Variants in IP6K2 observed in about 807,000 individuals in gnomAD.
IP6K2 encodes the protein ATP:1D-myo-inositol-hexakisphosphate phosphotransferase.
Under a neutral mutation model 43.3 loss-of-function variants are expected in IP6K2, and 9 were observed. That is an observed-to-expected ratio of 0.21 (90% CI 0.13 to 0.36). The LOEUF (loss-of-function observed/expected upper bound fraction) is 0.36, where lower values mean the gene tolerates loss of function less well. Among genes scored for constraint, IP6K2 ranks in the 10% least tolerant of loss-of-function variants. The probability of loss-of-function intolerance (pLI) is 1.00; values close to 1 mark genes in which losing one functional copy is unlikely to be tolerated. For missense variants in IP6K2, 332 were observed against 538.4 expected (o/e 0.62, Z 3.79); for synonymous variants, 209 against 202.4 (o/e 1.03, Z -0.28).
Position 48,688,214 on chromosome 3 carries a change from G to A in IP6K2, c.*59C>T, listed in dbSNP as rs567876634. On this transcript the variant is annotated 3_prime_UTR_variant, in exon 6 of 6. Coordinates refer to ENST00000328631, the MANE Select transcript of IP6K2 (RefSeq NM_016291.4). The surrounding 1 kb of genome is among the most constrained non-coding windows in gnomAD (Gnocchi z 5.1). ...TGGCCATACTGGCTTCCTCCCTGAC[G>A]CAGCACAGCTGTGCCTGGGACACAG... 9.7e-5 allele frequency: 152 copies of A among 1,569,982 alleles called. No homozygotes were observed. In the East Asian group the frequency reaches 3.0e-3, roughly 31 times the overall value.
chr3:48,705,500 G>A (rs902954183), intron 1 of IP6K2, among the ~76,000 whole-genome samples: 17 of 152,130 alleles, frequency 1.1e-4, no homozygotes, highest in East Asian at 7.8e-4. Flanking sequence ...AAGCTGCACA[G>A]TGACAGCCAG....
At chr3:48,709,565 G>A (rs934257387) in intron 1 of IP6K2, among the ~76,000 whole-genome samples, 4 of 152,166 alleles carry the variant, frequency 2.6e-5, no homozygotes, top group African/African-American at 4.8e-5. Flanking sequence ...CAGGCTGGGC[G>A]CGGTGGCTCA....
chr3:48,695,078 G>C lies in IP6K2; in HGVS notation c.202+12C>G. 6.2e-7 allele frequency: 1 copy of C among 1,614,090 alleles called. No individual in the cohort carries two copies. The highest frequency in any genetic ancestry group is 1.1e-5 in the South Asian group (1 of 91,082). On this transcript the variant is annotated intron_variant, in intron 2 of 5. Coordinates refer to ENST00000328631, the MANE Select transcript of IP6K2 (RefSeq NM_016291.4). This position sits in a 1 kb window ranked among gnomAD's most constrained non-coding sequence, Gnocchi z 4.6. ...CGCCAGTGTGGCAACCCCTCCAGCAGCTGGGACTTACCTTTGTACTGGGGA... is the reference window on the plus strand; with the variant it reads ...CGCCAGTGTGGCAACCCCTCCAGCACCTGGGACTTACCTTTGTACTGGGGA...
rs768385005 is a variant in IP6K2, at chr3:48,694,573, C to T, written c.202+517G>A. 29 of 1,524,656 alleles carry T rather than the reference C, an allele frequency of 1.9e-5. No homozygotes were observed. The South Asian group carries it at 2.4e-4, about 13-fold the overall frequency. 94.4% of individuals were successfully genotyped at this position (1,524,656 alleles called of 1,614,324 possible). On this transcript the variant is annotated intron_variant, in intron 2 of 5. Transcript: ENST00000328631. The stretch of plus-strand genomic sequence containing the variant: ...AAATAAAAAATTATCATATGTGAAT[C>T]GAAGGGTTGCTTTCATATAGCAATT...
chr3:48,714,669 G>A (rs2080975753), intron 1 of IP6K2, among the ~76,000 whole-genome samples: 1 of 152,126 alleles, frequency 6.6e-6, no homozygotes, highest in Non-Finnish European at 1.5e-5. Context: ...GGGATTACAT[G>A]CATGAGCCAC....
chr3:48,706,062 CCGTG>C (rs2079729220), intron 1 of IP6K2, among the ~76,000 whole-genome samples: 1 of 71,338 alleles, frequency 1.4e-5, no homozygotes, highest in Non-Finnish European at 2.9e-5. Context: ...AAAAAATTAG[CCGTG>C]CATGGTGGTG....
intron 1 of IP6K2, among the ~76,000 whole-genome samples, chr3:48,713,640 T>G (rs1411629711): frequency 6.6e-6 from 1 of 152,114 alleles, no homozygotes; most frequent in Non-Finnish European, 1.5e-5. Flanking sequence ...TCAAGTAAGA[T>G]AGGTGGATAC....
intron 1 of IP6K2, among the ~76,000 whole-genome samples, chr3:48,698,268 C>T (rs1379140262): frequency 6.6e-6 from 1 of 152,120 alleles, no homozygotes; most frequent in Non-Finnish European, 1.5e-5. Flanking sequence ...ATTCATGGTC[C>T]GCCGACCAGT....
chr3:48,705,400 C>T (rs1009062961), intron 1 of IP6K2, among the ~76,000 whole-genome samples: 7 of 150,732 alleles, frequency 4.6e-5, no homozygotes, highest in African/African-American at 1.2e-4. Context: ...AAGATGGGGC[C>T]GGGCGCGGTG....
chr3:48,697,488 ATTTTTT>A (rs35746542), intron 1 of IP6K2, among the ~76,000 whole-genome samples: 265 of 64,326 alleles, frequency 4.1e-3, no homozygotes, highest in Middle Eastern at 0.024. Context: ...ATGCCTGGCT[ATTTTTT>A]TTTTTTTTTT....
At chr3:48,702,415 C>A (rs1276207772) in intron 1 of IP6K2, among the ~76,000 whole-genome samples, 1 of 151,338 alleles carries the variant, frequency 6.6e-6, no homozygotes, top group Non-Finnish European at 1.5e-5. Flanking sequence ...ACTCTCTCAA[C>A]CTCCTTCAGC....
intron 1 of IP6K2, among the ~76,000 whole-genome samples, chr3:48,698,236 G>A (rs998891089): frequency 2.6e-5 from 4 of 152,210 alleles, no homozygotes; most frequent in Non-Finnish European, 5.9e-5. Context: ...TTGAATAAGA[G>A]TAATACCAAA....
At chr3:48,706,732 T>TG (rs1246347586) in intron 1 of IP6K2, among the ~76,000 whole-genome samples, 1 of 151,630 alleles carries the variant, frequency 6.6e-6, no homozygotes, top group African/African-American at 2.4e-5. Context: ...CCCAGCTACT[T>TG]GGGGGGCTGA....
chr3:48,705,086 C>T (rs867457813), intron 1 of IP6K2, among the ~76,000 whole-genome samples: 7 of 152,146 alleles, frequency 4.6e-5, no homozygotes, highest in Admixed American at 1.3e-4. Flanking sequence ...GGTCTACAGG[C>T]GTCTGCCACC....
intron 1 of IP6K2, among the ~76,000 whole-genome samples, chr3:48,701,364 C>T (rs561808167): frequency 2.0e-5 from 3 of 151,664 alleles, no homozygotes; most frequent in East Asian, 1.9e-4. Flanking sequence ...CTCAGAAGTT[C>T]GAGGCCAGCC....
chr3:48,694,114 C>G, intron 2 of IP6K2: 1 of 1,504,190 alleles, frequency 6.6e-7, no homozygotes, highest in Non-Finnish European at 8.9e-7. Flanking sequence ...GAGGTGGCCC[C>G]CAGCTCTGGG....
chr3:48,693,850 T>A (rs771660174), intron 2 of IP6K2: 1 of 1,154,422 alleles, frequency 8.7e-7, no homozygotes, highest in Admixed American at 4.3e-5. Context: ...ATAGAGCTGG[T>A]TGGGGAGCAC....
At chr3:48,701,567 CAAAAAAAAA>C (rs67509214) in intron 1 of IP6K2, among the ~76,000 whole-genome samples, 1 of 47,480 alleles carries the variant, frequency 2.1e-5, no homozygotes, top group Non-Finnish European at 3.4e-5. Flanking sequence ...GACTCCGTCT[CAAAAAAAAA>C]AAAAAAAAAA....
intron 1 of IP6K2, among the ~76,000 whole-genome samples, chr3:48,697,404 C>A (rs149935233): frequency 0.011 from 1,696 of 149,916 alleles, 39 homozygotes; most frequent in African/African-American, 0.039. Context: ...CAGTTCACTG[C>A]AACCTCTGCC....
Sources: gnomAD v4.1 joint callset for allele counts (sites outside exome capture counted in the v4.1 genomes callset) on GRCh38, gnomAD v4.1.1 for gene constraint, Gnocchi (gnomAD v3.1) non-coding constraint, MANE v1.5 for transcripts, NCBI Gene and HGNC (gene_info 2026-07-23, HGNC 2026-07-21) for gene names.